Variants in ARHGEF7 observed in about 807,000 individuals in gnomAD.
ARHGEF7 encodes PAK-interacting exchange factor beta.
ARHGEF7 carries 33 observed loss-of-function variants against 109.8 expected under a neutral mutation model. That is an observed-to-expected ratio of 0.30 (90% CI 0.23 to 0.40). The LOEUF is 0.40. ARHGEF7 is among the 10% of genes least tolerant of loss of function. ARHGEF7 has a pLI of 1.00. For synonymous variants in ARHGEF7, 458 were observed against 424.6 expected (o/e 1.08, Z -0.97); for missense variants, 938 against 1,098.5 (o/e 0.85, Z 2.07).
chr13:111,206,393 T>G (rs2081859028), intron 3 of ARHGEF7, among the ~76,000 whole-genome samples: 1 of 152,068 alleles, frequency 6.6e-6, no homozygotes, highest in South Asian at 2.1e-4. Context: ...GTCTGGAAGC[T>G]GATGCTGCTG....
At chr13:111,188,547 G>A (rs1409958700) in intron 2 of ARHGEF7, among the ~76,000 whole-genome samples, 1 of 152,182 alleles carries the variant, frequency 6.6e-6, no homozygotes, top group Non-Finnish European at 1.5e-5. Context: ...AGGCTTCTGC[G>A]AAAGAATGTG....
chr13:111,204,862 A>G (rs2081596137), intron 2 of ARHGEF7, among the ~76,000 whole-genome samples: 1 of 152,118 alleles, frequency 6.6e-6, no homozygotes, highest in South Asian at 2.1e-4. Context: ...TTTGGAATCG[A>G]CTGTCATTTT....
intron 1 of ARHGEF7, among the ~76,000 whole-genome samples, chr13:111,142,560 C>T (rs2075396927): frequency 6.6e-6 from 1 of 152,164 alleles, no homozygotes; most frequent in African/African-American, 2.4e-5. Flanking sequence ...ATATGAAAGT[C>T]CCAACTGGCC....
At chr13:111,221,559 CTA>C (rs199557072) in intron 5 of ARHGEF7, among the ~76,000 whole-genome samples, 8,321 of 52,698 alleles carry the variant, frequency 0.16, 639 homozygotes, top group South Asian at 0.21. Flanking sequence ...ATCTATATAT[CTA>C]TATATATAGA....
chr13:111,187,524 G>A (rs560783185), intron 2 of ARHGEF7, among the ~76,000 whole-genome samples: 156 of 152,306 alleles, frequency 1.0e-3, no homozygotes, highest in Non-Finnish European at 1.4e-3. Flanking sequence ...GCCAATTTGA[G>A]TTGGGTTTAC....
chr13:111,276,324 A>G (rs2092478224), intron 12 of ARHGEF7, among the ~76,000 whole-genome samples: 1 of 152,220 alleles, frequency 6.6e-6, no homozygotes, highest in Non-Finnish European at 1.5e-5. Context: ...TCATTTTTGA[A>G]CACAAGACTC....
chr13:111,283,219 G>A lies in ARHGEF7; in HGVS notation c.1806G>A (p.Leu602=), dbSNP rs760592981. The A allele has an allele frequency of 8.2e-6, 13 of 1,595,068 alleles. No individual in the cohort carries two copies. In the Admixed American group the frequency reaches 2.3e-4, roughly 28 times the overall value. Residue 602 remains leucine, a synonymous_variant, in exon 16 of 22, where the codon CTG becomes CTA. Coordinates refer to ENST00000646102, the MANE Select transcript of ARHGEF7 (RefSeq NM_001354046.2). ...CGCTGACGCCCGCCTACCACACGCT[G>A]CCCCACCCCTCCCACCACGGCACCC... The part of the protein sequence containing the change: ...PAPLTPAYHT[L]PHPSHHGTPH...
At chr13:111,221,733 T>A (rs1038065391) in intron 5 of ARHGEF7, among the ~76,000 whole-genome samples, 6 of 150,034 alleles carry the variant, frequency 4.0e-5, no homozygotes, top group Non-Finnish European at 8.9e-5. Context: ...ATACAGCTAA[T>A]AGGAGAATAT....
chr13:111,259,180 C>T (rs571410124), intron 8 of ARHGEF7, among the ~76,000 whole-genome samples: 18 of 152,288 alleles, frequency 1.2e-4, no homozygotes, highest in South Asian at 2.1e-4. Context: ...GGAAAGGACA[C>T]GTGCCCATCT....
intron 3 of ARHGEF7, 21 bp downstream of exon 3, chr13:111,205,394 A>G (rs898868416): frequency 6.5e-7 from 1 of 1,533,310 alleles, no homozygotes; most frequent in Non-Finnish European, 8.8e-7. Context: ...TTTTTATTGA[A>G]CTCGAGGGGG....
chr13:111,233,417 C>T (rs1200474408), intron 6 of ARHGEF7, 124 bp downstream of exon 6: 3 of 748,492 alleles, frequency 4.0e-6, no homozygotes, highest in Non-Finnish European at 6.9e-6. Flanking sequence ...TCATCTGCCA[C>T]ACAAATGTAA....
At chr13:111,259,270 C>G (rs888508124) in intron 8 of ARHGEF7, among the ~76,000 whole-genome samples, 1 of 152,152 alleles carries the variant, frequency 6.6e-6, no homozygotes, top group Non-Finnish European at 1.5e-5. Context: ...TACCATGGGC[C>G]TTGGGTGCAG....
intron 8 of ARHGEF7, among the ~76,000 whole-genome samples, chr13:111,257,444 G>C (rs2090562686): frequency 6.6e-6 from 1 of 152,234 alleles, no homozygotes; most frequent in Non-Finnish European, 1.5e-5. Flanking sequence ...TAATGTAATT[G>C]TTATAATAGT....
At chr13:111,232,164 T>C (rs2086153630) in intron 5 of ARHGEF7, among the ~76,000 whole-genome samples, 1 of 151,916 alleles carries the variant, frequency 6.6e-6, no homozygotes, top group African/African-American at 2.4e-5. Context: ...CCCTATAGAA[T>C]TGTGATAGAC....
At chr13:111,170,531 T>A (rs1247064767) in intron 2 of ARHGEF7, among the ~76,000 whole-genome samples, 4 of 152,246 alleles carry the variant, frequency 2.6e-5, no homozygotes, top group Non-Finnish European at 5.9e-5. Flanking sequence ...GAATTGATCA[T>A]GTTACTGGCG....
intron 8 of ARHGEF7, among the ~76,000 whole-genome samples, chr13:111,260,737 C>G (rs1246180244): frequency 6.6e-6 from 1 of 152,190 alleles, no homozygotes; most frequent in Admixed American, 6.5e-5. Flanking sequence ...GTAAACTACT[C>G]ATATCTTGAG....
At chr13:111,158,567 A>C (rs2076518606) in intron 2 of ARHGEF7, among the ~76,000 whole-genome samples, 1 of 152,246 alleles carries the variant, frequency 6.6e-6, no homozygotes, top group Non-Finnish European at 1.5e-5. Flanking sequence ...GAAAGCATCC[A>C]AAGGCCCAGG....
At chr13:111,286,984 T>A (rs1395489229) in intron 17 of ARHGEF7, among the ~76,000 whole-genome samples, 1 of 152,168 alleles carries the variant, frequency 6.6e-6, no homozygotes, top group Non-Finnish European at 1.5e-5. Context: ...CAGCCTTTGT[T>A]GGTCCTTTGC....
At chr13:111,249,153 C>G (rs1420889207) in intron 8 of ARHGEF7, among the ~76,000 whole-genome samples, 1 of 152,140 alleles carries the variant, frequency 6.6e-6, no homozygotes, top group Non-Finnish European at 1.5e-5. Flanking sequence ...CCCAGCAACT[C>G]TGGTAGAACC....
Sources: gnomAD v4.1 joint callset for allele counts (sites outside exome capture counted in the v4.1 genomes callset) on GRCh38, gnomAD v4.1.1 for gene constraint, MANE v1.5 for transcripts, NCBI Gene and HGNC (gene_info 2026-07-23, HGNC 2026-07-21) for gene names.